LARGE1: variants seen among roughly 807,000 people sequenced by gnomAD.
LARGE1 encodes the protein xylosyl- and glucuronyltransferase LARGE1.
LARGE1 carries 43 observed loss-of-function variants against 87.6 expected under a neutral mutation model. That is an observed-to-expected ratio of 0.49 (90% CI 0.38 to 0.63). LARGE1 has a LOEUF of 0.63. LARGE1 is among the 30% of genes least tolerant of loss of function. The pLI, the probability that LARGE1 is intolerant of heterozygous loss-of-function variation, is 0.00. For missense variants in LARGE1, 802 were observed against 1,000.2 expected, an observed-to-expected ratio of 0.80 and a Z score of 2.67; for synonymous variants, 434 against 394.6, an observed-to-expected ratio of 1.10 and a Z score of -1.18.
At chr22:33,192,230 A>C (rs551772038) in intron 11 of LARGE1, among the ~76,000 whole-genome samples, 5 of 152,336 alleles carry the variant, frequency 3.3e-5, no homozygotes, top group African/African-American at 1.2e-4. Context: ...TTGCCCTTTT[A>C]GAGGTGAAGG....
At chr22:33,088,301 C>T in the LARGE1 span, among the ~76,000 whole-genome samples, 3 of 152,110 alleles carry the variant, frequency 2.0e-5, no homozygotes, top group Non-Finnish European at 2.9e-5. Flanking sequence ...ACTGCACCTA[C>T]GGCCAAATGA....
At chr22:33,808,740 A>C (rs2086396037) in intron 1 of LARGE1, among the ~76,000 whole-genome samples, 1 of 152,162 alleles carries the variant, frequency 6.6e-6, no homozygotes, top group African/African-American at 2.4e-5. Flanking sequence ...TTTCATGCAA[A>C]GTCTATCCTC....
chr22:33,288,925 T>A (rs1026544706), intron 12 of LARGE1, among the ~76,000 whole-genome samples: 1 of 152,208 alleles, frequency 6.6e-6, no homozygotes. Context: ...TTCACAAACC[T>A]ACTATAGTAT....
At chr22:33,843,492 T>C (rs1205161256) in intron 1 of LARGE1, among the ~76,000 whole-genome samples, 1 of 141,808 alleles carries the variant, frequency 7.1e-6, no homozygotes, top group Non-Finnish European at 1.5e-5. Flanking sequence ...TAAAGAGGTC[T>C]CAACAGAGGT....
intron 2 of LARGE1, chr22:33,732,667 A>G: frequency 6.6e-6 from 1 of 152,270 alleles, no homozygotes; most frequent in East Asian, 1.9e-4. Context: ...ATGAAAGTCT[A>G]AGTAAGCAAA....
chr22:33,303,784 G>A (rs1379565484), intron 12 of LARGE1, among the ~76,000 whole-genome samples: 1 of 145,468 alleles, frequency 6.9e-6, no homozygotes, highest in East Asian at 2.0e-4. Flanking sequence ...ACCAAGCCCA[G>A]CTAATTTTTT....
the LARGE1 span, among the ~76,000 whole-genome samples, chr22:33,070,651 G>A: frequency 6.6e-6 from 1 of 152,160 alleles, no homozygotes; most frequent in Non-Finnish European, 1.5e-5. Context: ...TGAGAGCATA[G>A]CACACTAAGT....
intron 1 of LARGE1, among the ~76,000 whole-genome samples, chr22:33,785,022 T>C (rs1005119939): frequency 6.7e-6 from 1 of 149,932 alleles, no homozygotes; most frequent in Non-Finnish European, 1.5e-5. Context: ...TATACATACA[T>C]ATGTGTATAT....
chr22:33,475,646 A>T (rs2148149820), intron 6 of LARGE1, among the ~76,000 whole-genome samples: 1 of 151,994 alleles, frequency 6.6e-6, no homozygotes, highest in South Asian at 2.1e-4. Flanking sequence ...TATTTTTAGT[A>T]GAGACGGGGT....
chr22:33,611,763 A>C (rs561204488), intron 4 of LARGE1, among the ~76,000 whole-genome samples: 96 of 152,318 alleles, frequency 6.3e-4, no homozygotes, highest in African/African-American at 2.3e-3. Flanking sequence ...CCCCCACTCA[A>C]ATCTCATGTT....
chr22:33,410,427 C>CG (rs953687363), intron 7 of LARGE1, among the ~76,000 whole-genome samples: 8 of 151,702 alleles, frequency 5.3e-5, no homozygotes, highest in Admixed American at 3.9e-4. Context: ...ATCATGGGGG[C>CG]GGGGGGCGGT....
chr22:33,805,930 T>G (rs373169290), intron 1 of LARGE1, among the ~76,000 whole-genome samples: 63 of 152,310 alleles, frequency 4.1e-4, no homozygotes, highest in African/African-American at 1.5e-3. Context: ...TTTTTGAAAT[T>G]TATTAAGCTG....
At chr22:33,264,174 T>C (rs994647666) in intron 11 of LARGE1, among the ~76,000 whole-genome samples, 1 of 152,126 alleles carries the variant, frequency 6.6e-6, no homozygotes, top group Non-Finnish European at 1.5e-5. Context: ...GAAACTGAGC[T>C]CCAGGGAGAA....
At chr22:33,103,432 CA>C in the LARGE1 span, among the ~76,000 whole-genome samples, 4,512 of 33,242 alleles carry the variant, frequency 0.14, 15 homozygotes, top group East Asian at 0.34. Flanking sequence ...GACTCTGTCT[CA>C]AAAAAAAAAA....
intron 6 of LARGE1, among the ~76,000 whole-genome samples, chr22:33,435,631 G>A (rs979030616): frequency 2.6e-5 from 4 of 152,118 alleles, no homozygotes; most frequent in African/African-American, 7.2e-5. Context: ...CTGCAAAGAT[G>A]GGGAGGCAGC....
At chr22:33,414,113 C>T (rs1232600435) in intron 7 of LARGE1, among the ~76,000 whole-genome samples, 1 of 152,014 alleles carries the variant, frequency 6.6e-6, no homozygotes, top group Non-Finnish European at 1.5e-5. Flanking sequence ...GGAGGAACCG[C>T]CATACTGTTT....
chr22:33,374,748 T>C (rs1007224092), intron 9 of LARGE1, among the ~76,000 whole-genome samples: 1 of 152,190 alleles, frequency 6.6e-6, no homozygotes, highest in African/African-American at 2.4e-5. Flanking sequence ...ATTACATTTA[T>C]GGGTATCTAC....
exon 12 of LARGE1, chr22:33,165,048 A>G (rs1286187415): frequency 6.6e-6 from 1 of 152,174 alleles, no homozygotes; most frequent in Non-Finnish European, 1.5e-5. Context: ...TATGGATACT[A>G]TGCTCACTAC....
chr22:33,126,778 T>C, the LARGE1 span, among the ~76,000 whole-genome samples: 1 of 152,248 alleles, frequency 6.6e-6, no homozygotes, highest in Non-Finnish European at 1.5e-5. Context: ...GGAAGTTATA[T>C]TTGCTTCGCT....
Sources: allele counts gnomAD v4.1 joint callset (sites outside exome capture counted in the v4.1 genomes callset), GRCh38; gene constraint gnomAD v4.1.1; transcripts MANE v1.5; gene names NCBI Gene and HGNC (gene_info 2026-07-23, HGNC 2026-07-21).